GRM3: variants seen among roughly 807,000 people sequenced by gnomAD.
The protein encoded by GRM3 is glutamate metabotropic receptor 3, also known as metabotropic glutamate receptor 3.
GRM3 carries 26 observed loss-of-function variants against 70.5 expected under a neutral mutation model. That is an observed-to-expected ratio of 0.37 (90% CI 0.27 to 0.51). The LOEUF (loss-of-function observed/expected upper bound fraction) is 0.51. Ranked by LOEUF, GRM3 falls within the 20% of genes least tolerant of loss-of-function variation. GRM3 has a pLI of 0.93. For missense variants in GRM3, 859 were observed against 1,123.8 expected, an observed-to-expected ratio of 0.76 and a Z score of 3.37; for synonymous variants, 443 against 434.9, an observed-to-expected ratio of 1.02 and a Z score of -0.23.
intron 3 of GRM3, among the ~76,000 whole-genome samples, chr7:86,806,172 T>C (rs1000549555): frequency 1.3e-5 from 2 of 152,170 alleles, no homozygotes; most frequent in East Asian, 1.9e-4. Flanking sequence ...GGTTGGTTCC[T>C]AGTCTTTGGT....
chr7:86,787,577 A>AGAGAG (rs1797290506), intron 3 of GRM3, among the ~76,000 whole-genome samples: 1 of 152,074 alleles, frequency 6.6e-6, no homozygotes, highest in East Asian at 1.9e-4. Flanking sequence ...AGAGAGAGAG[A>AGAGAG]AGTCACTGTT....
intron 3 of GRM3, among the ~76,000 whole-genome samples, chr7:86,832,727 T>A (rs899640048): frequency 1.3e-5 from 2 of 152,192 alleles, no homozygotes; most frequent in Admixed American, 6.5e-5. Context: ...ACTTATGATA[T>A]CTTTAAGGTA....
chr7:86,719,849 G>A (rs1488958518), intron 1 of GRM3, among the ~76,000 whole-genome samples: 1 of 151,852 alleles, frequency 6.6e-6, no homozygotes, highest in Non-Finnish European at 1.5e-5. Context: ...GACTTAGCTG[G>A]TCATAAAGCC....
At chr7:86,763,579 G>C (rs144989014) in intron 1 of GRM3, among the ~76,000 whole-genome samples, 27 of 152,224 alleles carry the variant, frequency 1.8e-4, no homozygotes, top group African/African-American at 6.3e-4. Flanking sequence ...TCACAGCAAG[G>C]CTTTGCCTGA....
At chr7:86,806,556 A>G (rs553009544) in intron 3 of GRM3, among the ~76,000 whole-genome samples, 2 of 152,184 alleles carry the variant, frequency 1.3e-5, no homozygotes, top group Non-Finnish European at 2.9e-5. Context: ...TCTTTTGAGA[A>G]GTGTCTGTTC....
rs192217182 is a variant in GRM3, at chr7:86,653,485, G to A, written c.-141+8613G>A. On this transcript the variant is annotated intron_variant, in intron 1 of 5. Coordinates refer to ENST00000361669, the MANE Select transcript of GRM3 (RefSeq NM_000840.3). ...TTCTACAAGCCTGAGTACTAATTAA[G>A]CTCAACTAATAAGGCACAGTTTCTA... 3.9e-5 allele frequency among the ~76,000 whole-genome samples: 6 copies of A among 152,282 alleles called. No homozygotes were observed. In the East Asian group the frequency reaches 9.6e-4, roughly 24 times the overall value.
intron 3 of GRM3, among the ~76,000 whole-genome samples, chr7:86,828,368 A>C (rs1798286252): frequency 6.6e-6 from 1 of 152,184 alleles, no homozygotes; most frequent in Admixed American, 6.5e-5. Context: ...ATTATATACA[A>C]ATACATACAC....
intron 1 of GRM3, among the ~76,000 whole-genome samples, chr7:86,723,306 G>A (rs1795517374): frequency 6.6e-6 from 1 of 151,966 alleles, no homozygotes; most frequent in Non-Finnish European, 1.5e-5. Context: ...GTGAGAAAAG[G>A]TAACAGAAAT....
chr7:86,770,516 T>C (rs1412133636), intron 2 of GRM3, among the ~76,000 whole-genome samples: 1 of 152,014 alleles, frequency 6.6e-6, no homozygotes, highest in Non-Finnish European at 1.5e-5. Context: ...ATTAAATCCA[T>C]TGCAGTAAAT....
At chr7:86,827,860 C>G (rs938925434) in intron 3 of GRM3, among the ~76,000 whole-genome samples, 5 of 151,948 alleles carry the variant, frequency 3.3e-5, no homozygotes, top group African/African-American at 9.7e-5. Context: ...CACCTGTAAC[C>G]CCAGCACTTT....
chr7:86,718,039 C>A (rs988001261), intron 1 of GRM3, among the ~76,000 whole-genome samples: 1 of 151,686 alleles, frequency 6.6e-6, no homozygotes, highest in Non-Finnish European at 1.5e-5. Flanking sequence ...CTCAGAAATC[C>A]TACAAGTGTG....
intron 1 of GRM3, among the ~76,000 whole-genome samples, chr7:86,691,294 C>T (rs2116030147): frequency 6.6e-6 from 1 of 152,254 alleles, no homozygotes; most frequent in South Asian, 2.1e-4. Context: ...TCTACCTTGG[C>T]AAATTCTCCC....
rs149845642 is a variant in GRM3, at chr7:86,670,560, C to T, written c.-141+25688C>T. 9.0e-3 allele frequency among the ~76,000 whole-genome samples: 1,370 copies of T among 152,272 alleles called. 15 individuals carry two copies. The highest frequency in any genetic ancestry group is 0.031 in the African/African-American group (1,307 of 41,540). Reference sequence around the variant, plus strand: ...TCCAAATGGCATTTTGAATCCACTCCTCTTTTCAATCCTCATATTCACCAT... The same window carrying T: ...TCCAAATGGCATTTTGAATCCACTCTTCTTTTCAATCCTCATATTCACCAT... On this transcript the variant is annotated intron_variant, in intron 1 of 5. Transcript: ENST00000361669.
intron 4 of GRM3, 55 bp from the exon 5 acceptor site, chr7:86,850,315 T>C: frequency 8.0e-7 from 1 of 1,248,334 alleles, no homozygotes; most frequent in South Asian, 1.2e-5. Flanking sequence ...TCTCTTTAGT[T>C]GGCCACTTGA....
chr7:86,744,153 T>A (rs1796050376), intron 1 of GRM3, among the ~76,000 whole-genome samples: 1 of 152,036 alleles, frequency 6.6e-6, no homozygotes, highest in Non-Finnish European at 1.5e-5. Context: ...ATTGCTCTCT[T>A]GTGCCTGACC....
chr7:86,668,487 G>A (rs1231916055), intron 1 of GRM3, among the ~76,000 whole-genome samples: 4 of 152,056 alleles, frequency 2.6e-5, no homozygotes, highest in Non-Finnish European at 5.9e-5. Context: ...CTTTGATCGT[G>A]TTGTTTGGGC....
In GRM3 at chr7:86,793,385, A is replaced by T. The variant is rs186389788; in HGVS notation, c.1324+6269A>T. Reference sequence around the variant, plus strand: ...GCACAGTGAGGAAGCCAAAATGGTAATGGCCACATCTTTAGATGAATGGGC... The same window carrying T: ...GCACAGTGAGGAAGCCAAAATGGTATTGGCCACATCTTTAGATGAATGGGC... On this transcript the variant is annotated intron_variant, in intron 3 of 5. Transcript: ENST00000361669. Among the ~76,000 whole-genome samples, 36 of 152,312 alleles carry T rather than the reference A, an allele frequency of 2.4e-4. 1 individual carries two copies. In the Middle Eastern group the frequency reaches 0.017, roughly 72 times the overall value.
At position 86,644,889 on chromosome 7, in the gene GRM3, AG is replaced by A; in HGVS notation, c.-141+19del. ...CGGTGCGAGGTAAGGGTCCCAGAGG[AG>A]GACGTGTCCCTCTGGAGGGCGCCCA... On this transcript the variant is annotated intron_variant, in intron 1 of 5. Transcript: ENST00000361669. The A allele has an allele frequency of 7.9e-7, 1 of 1,260,584 alleles. No homozygotes were observed. Among genetic ancestry groups the A allele is most frequent in the Non-Finnish European group, 1.0e-6 (1 of 963,192 alleles). The allele number at this position is 1,260,584 out of a possible 1,614,324, so 78.1% of individuals were successfully genotyped here. A position where few individuals can be genotyped will look rare whatever the true frequency, so the allele number is the denominator to read the frequency against.
chr7:86,661,287 G>T (rs114682374), intron 1 of GRM3, among the ~76,000 whole-genome samples: 2,044 of 152,072 alleles, frequency 0.013, 47 homozygotes, highest in African/African-American at 0.047. Context: ...GGAATGCACT[G>T]GGAGTAGGCT....
Sources: allele counts gnomAD v4.1 joint callset (sites outside exome capture counted in the v4.1 genomes callset), GRCh38; gene constraint gnomAD v4.1.1; transcripts MANE v1.5; gene names NCBI Gene and HGNC (gene_info 2026-07-23, HGNC 2026-07-21).